COQ8B: variants seen among roughly 807,000 people sequenced by gnomAD.
COQ8B encodes the protein atypical kinase COQ8B, mitochondrial.
In COQ8B, 44 loss-of-function variants were observed where a neutral mutation model predicts 62.0. The ratio of observed to expected loss-of-function variants is 0.71; its 90% CI spans 0.56 to 0.91. COQ8B has a LOEUF of 0.91. Ranked by LOEUF, COQ8B falls within the 40% of genes least tolerant of loss-of-function variation. The pLI, the probability that COQ8B is intolerant of heterozygous loss-of-function variation, is 0.00. For missense variants in COQ8B, 649 were observed against 731.6 expected, an observed-to-expected ratio of 0.89 and a Z score of 1.30; for synonymous variants, 252 against 289.9, an observed-to-expected ratio of 0.87 and a Z score of 1.33.
intron 5 of COQ8B, among the ~76,000 whole-genome samples, chr19:40,706,084 T>C (rs572359390): frequency 8.6e-5 from 13 of 152,004 alleles, no homozygotes; most frequent in South Asian, 4.2e-4. Flanking sequence ...TAATGCTGAG[T>C]GAAAGCAGCC....
chr19:40,715,593 T>G (rs2082179406), intron 1 of COQ8B: 2 of 985,478 alleles, frequency 2.0e-6, no homozygotes, highest in Admixed American at 6.2e-5. Flanking sequence ...TTGCCTTGCT[T>G]GCCAACTGTT....
intron 13 of COQ8B, among the ~76,000 whole-genome samples, chr19:40,695,331 A>G (rs990228341): frequency 1.3e-5 from 2 of 150,486 alleles, no homozygotes; most frequent in African/African-American, 2.5e-5. Context: ...TAAAAAAAAA[A>G]AAAAGAAAAG....
At chr19:40,706,291 G>C (rs1375010768) in intron 5 of COQ8B, among the ~76,000 whole-genome samples, 1 of 152,188 alleles carries the variant, frequency 6.6e-6, no homozygotes, top group East Asian at 1.9e-4. Context: ...AGGGGTCTGA[G>C]AGATCAAACT....
intron 1 of COQ8B, chr19:40,715,636 T>G: frequency 2.0e-6 from 2 of 978,832 alleles, no homozygotes; most frequent in Non-Finnish European, 2.4e-6. Context: ...CTCGTGTACA[T>G]ACCCTCCCCC....
chr19:40,711,021 C>G (rs1250403750), intron 4 of COQ8B, among the ~76,000 whole-genome samples: 1 of 151,542 alleles, frequency 6.6e-6, no homozygotes, highest in Admixed American at 6.6e-5. Context: ...ATCCCAGCTA[C>G]TCAAGAGGCT....
chr19:40,703,235 T>C (rs1305267569), intron 9 of COQ8B: 2 of 376,386 alleles, frequency 5.3e-6, no homozygotes, highest in Non-Finnish European at 9.7e-6. Flanking sequence ...TCCCCAGGAC[T>C]GTCCTTTTCT....
intron 12 of COQ8B, among the ~76,000 whole-genome samples, chr19:40,698,442 G>C (rs6508944): frequency 0.37 from 56,673 of 151,502 alleles, 10,873 homozygotes; most frequent in East Asian, 0.5. Flanking sequence ...GGAGGCTGAG[G>C]TGGGAGAATT....
chr19:40,709,959 T>C (rs1023035943), intron 5 of COQ8B, 100 bp downstream of exon 5: 1 of 1,230,166 alleles, frequency 8.1e-7, no homozygotes, highest in Non-Finnish European at 1.2e-6. Context: ...ACCACCTCCA[T>C]CTTCCGCATG....
At chr19:40,706,504 C>A (rs2082102068) in intron 5 of COQ8B, among the ~76,000 whole-genome samples, 1 of 152,202 alleles carries the variant, frequency 6.6e-6, no homozygotes, top group African/African-American at 2.4e-5. Context: ...CTCACTCTAT[C>A]ACCCAGGCTG....
intron 12 of COQ8B, among the ~76,000 whole-genome samples, chr19:40,697,373 C>G (rs1199514665): frequency 6.6e-6 from 1 of 152,144 alleles, no homozygotes; most frequent in Non-Finnish European, 1.5e-5. Context: ...CTCAGCCTCC[C>G]AAAGTGCAGA....
chr19:40,708,734 C>A (rs894325788), intron 5 of COQ8B, among the ~76,000 whole-genome samples: 15 of 151,894 alleles, frequency 9.9e-5, no homozygotes, highest in African/African-American at 3.4e-4. Context: ...TCCAGACCGG[C>A]CTGGGCAACA....
chr19:40,712,855 A>G (rs937757653), intron 4 of COQ8B, among the ~76,000 whole-genome samples: 2 of 152,186 alleles, frequency 1.3e-5, no homozygotes, highest in Non-Finnish European at 2.9e-5. Flanking sequence ...TGTACGGAAT[A>G]GAACACTCAT....
At chr19:40,711,499 C>G in intron 4 of COQ8B, among the ~76,000 whole-genome samples, 1 of 152,200 alleles carries the variant, frequency 6.6e-6, no homozygotes, top group African/African-American at 2.4e-5. Context: ...GCTGGGATTA[C>G]AGGTGTGGGC....
At chr19:40,694,170 G>T (rs906614550) in intron 13 of COQ8B, among the ~76,000 whole-genome samples, 1 of 152,052 alleles carries the variant, frequency 6.6e-6, no homozygotes, top group Non-Finnish European at 1.5e-5. Flanking sequence ...CTCAGAGGTG[G>T]CCCCACCAGT....
At chr19:40,714,936 C>G in intron 1 of COQ8B, 1 of 1,162,102 alleles carries the variant, frequency 8.6e-7, no homozygotes, top group African/African-American at 1.6e-5. Context: ...TGAAACCCCC[C>G]TCGTTGCTAT....
At chr19:40,700,726 T>C (rs1243663248) in intron 10 of COQ8B, 1 of 457,302 alleles carries the variant, frequency 2.2e-6, no homozygotes, top group Non-Finnish European at 4.0e-6. Flanking sequence ...AACCCTTCTA[T>C]GACTTCTGGT....
chr19:40,697,839 T>TAGAGAG (rs1368184772), intron 12 of COQ8B, among the ~76,000 whole-genome samples: 1 of 47,642 alleles, frequency 2.1e-5, no homozygotes, highest in South Asian at 5.6e-4. Context: ...TATATATATA[T>TAGAGAG]ATATATATAT....
intron 1 of COQ8B, chr19:40,715,188 T>C: frequency 1.0e-6 from 1 of 985,624 alleles, no homozygotes; most frequent in African/African-American, 1.7e-5. Context: ...AGTTTCTCCA[T>C]CTGTGCGCGG....
At position 40,692,255 on chromosome 19, in the gene COQ8B, A is replaced by C; in HGVS notation, c.1415T>G (p.Val472Gly). 6.2e-7 allele frequency: 1 copy of C among 1,613,090 alleles called. No individual in the cohort carries two copies. The highest frequency in any genetic ancestry group is 8.5e-7 in the Non-Finnish European group (1 of 1,179,536). Reference protein sequence around the residue: ...TARRIQDLIPVLLRHRLCPPP... With the variant: ...TARRIQDLIPGLLRHRLCPPP... Reference sequence around the variant, plus strand: ...GGGACACAGCCGGTGCCGCAGCAGCACCGGGATGAGGTCCTGTATGCGGCG... The same window carrying C: ...GGGACACAGCCGGTGCCGCAGCAGCCCCGGGATGAGGTCCTGTATGCGGCG... Residue 472 changes from valine (V) to glycine (G), a missense_variant, in exon 15 of 15, where the codon GTG becomes GGG. Transcript: ENST00000324464.
Sources: allele counts gnomAD v4.1 joint callset (sites outside exome capture counted in the v4.1 genomes callset), GRCh38; gene constraint gnomAD v4.1.1; transcripts MANE v1.5; gene names NCBI Gene and HGNC (gene_info 2026-07-23, HGNC 2026-07-21).